The following TGFBR3L variants were observed in gnomAD, a reference collection of about 807,000 sequenced individuals.
The protein encoded by TGFBR3L is transforming growth factor-beta receptor type 3-like protein.
Under a neutral mutation model 20.4 loss-of-function variants are expected in TGFBR3L, and 21 were observed. The observed-to-expected ratio is 1.03, with a 90% CI of 0.73 to 1.48. The LOEUF (loss-of-function observed/expected upper bound fraction) is 1.48, where lower values mean the gene tolerates loss of function less well. TGFBR3L is among the 40% of genes most tolerant of loss of function. TGFBR3L has a pLI of 0.00. For synonymous variants in TGFBR3L, 245 were observed against 244.2 expected (o/e 1.00, Z -0.03); for missense variants, 479 against 498.0 (o/e 0.96, Z 0.36).
rs1413942129 is a variant in TGFBR3L at position 7,918,101 on chromosome 19, C to T, written c.928C>T (p.Pro310Ser). 1.3e-6 allele frequency: 2 copies of T among 1,535,024 alleles called. No homozygotes were observed. Among genetic ancestry groups the T allele is most frequent in the African/African-American group, 2.7e-5 (2 of 73,060 alleles). The change falls in exon 5 of 6, where the codon CCC becomes TCC. Residue 310 changes from proline to serine, a missense_variant. Pro to Ser is a moderately conservative substitution (Grantham distance 74). Coordinates refer to ENST00000565886, the MANE Select transcript of TGFBR3L (RefSeq NM_001195259.2). ...GCCCGCGAGAGCCTCGCCCAGCGGT[C>T]CCCAGCCCAGGAGGTCCCAGTGAGG...
In TGFBR3L at chr19:7,918,058, G is replaced by A. The variant is rs769942869; in HGVS notation, c.885G>A (p.Ala295=). The change falls in exon 5 of 6, where the codon GCG becomes GCA. Residue 295 remains alanine, a splice_region_variant and synonymous_variant. Coordinates refer to ENST00000565886, the MANE Select transcript of TGFBR3L (RefSeq NM_001195259.2). ...CTGCAGCTCGCCTCTCCCTTCCAGC[G>A]CCCCACGCCCCTGGCCCGCCCGCGA... is the stretch of plus-strand genomic sequence containing the variant. 6.5e-7 allele frequency: 1 copy of A among 1,533,938 alleles called. No individual in the cohort carries two copies. The highest frequency in any genetic ancestry group is 1.2e-5 in the South Asian group (1 of 83,982).
In TGFBR3L at chr19:7,917,598, C is replaced by T; in HGVS notation, c.723C>T (p.Pro241=). 1 of 1,476,004 alleles carries T rather than the reference C, an allele frequency of 6.8e-7. No individual in the cohort carries two copies. Among genetic ancestry groups the T allele is most frequent in the East Asian group, 2.7e-5 (1 of 37,688 alleles). The allele number at this position is 1,476,004 out of a possible 1,614,324, so 91.4% of individuals were successfully genotyped here. A position where few individuals can be genotyped will look rare whatever the true frequency, so the allele number is the denominator to read the frequency against. Residue 241 remains proline (P), a splice_region_variant and synonymous_variant, in exon 3 of 6, where the codon CCC becomes CCT. Transcript: ENST00000565886. ...TGGTCACCGTGCCGCGGCCGCCCCC[C>T]AGTGAGCACGCAGTCCTCCTCCGCA...
At chr19:7,917,920 C>A in intron 4 of TGFBR3L, 61 bp downstream of exon 5, 11 of 1,381,184 alleles carry the variant, frequency 8.0e-6, no homozygotes, top group Non-Finnish European at 1.0e-5. Flanking sequence ...GGACCCGGGG[C>A]GGCCGCGATC....
rs547524116 is a variant in TGFBR3L at position 7,917,707 on chromosome 19, C to G, written c.731C>G (p.Pro244Arg). ...AGCGTGGCACTTCCCACAGGGCCGC[C>G]CAAGAGTGTCCCCGGCCGTGCAGTG... is the stretch of plus-strand genomic sequence containing the variant. The change falls in exon 4 of 6, where the codon CCC (proline) becomes CGC (arginine). Residue 244 changes from proline to arginine, a missense_variant. Physicochemically the swap from Pro to Arg is moderately radical, Grantham distance 103. Transcript: ENST00000565886. 5 of 1,425,314 alleles carry G rather than the reference C, an allele frequency of 3.5e-6. No individual in the cohort carries two copies. The South Asian group carries it at 7.3e-5, about 21-fold the overall frequency. 88.3% of individuals were successfully genotyped at this position (1,425,314 alleles called of 1,614,324 possible).
At chr19:7,917,103 G>A (rs868407924) in intron 2 of TGFBR3L, 161 bp downstream of exon 3, 2 of 1,088,530 alleles carry the variant, frequency 1.8e-6, no homozygotes, top group South Asian at 3.3e-5. Flanking sequence ...GTTTCTCCGG[G>A]GACAGTGTGG....
At chr19:7,917,988 C>T in intron 4 of TGFBR3L, 69 bp from the exon 6 acceptor site, 2 of 1,490,838 alleles carry the variant, frequency 1.3e-6, no homozygotes, top group South Asian at 1.3e-5. Context: ...CCCGCAGCAG[C>T]CCCCAGGGGC....
rs1721020480 is a variant in TGFBR3L at position 7,918,074 on chromosome 19, C to CCGCCCGCGAGAGCCT, written c.907_921dup (p.Ala303_Pro307dup). 1.3e-6 allele frequency: 2 copies of CCGCCCGCGAGAGCCT among 1,535,616 alleles called. No homozygotes were observed. Among genetic ancestry groups the CCGCCCGCGAGAGCCT allele is most frequent in the Admixed American group, 3.9e-5 (2 of 50,982 alleles). On this transcript the variant is annotated inframe_insertion, in exon 5 of 6. Transcript: ENST00000565886. Reference sequence around the variant, plus strand: ...CCTTCCAGCGCCCCACGCCCCTGGCCCGCCCGCGAGAGCCTCGCCCAGCGG... The same window carrying CCGCCCGCGAGAGCCT: ...CCTTCCAGCGCCCCACGCCCCTGGCCCGCCCGCGAGAGCCTCGCCCGCGAGAGCCTCGCCCAGCGG...
rs1189182946 is a variant in TGFBR3L at position 7,918,086 on chromosome 19, G to C, written c.913G>C (p.Ala305Pro). ...CCACGCCCCTGGCCCGCCCGCGAGA[G>C]CCTCGCCCAGCGGTCCCCAGCCCAG... is the stretch of plus-strand genomic sequence containing the variant. The change falls in exon 5 of 6, where the codon GCC (alanine) becomes CCC (proline). Residue 305 changes from alanine to proline, a missense_variant. Coordinates refer to ENST00000565886, the MANE Select transcript of TGFBR3L (RefSeq NM_001195259.2). 3 of 1,535,838 alleles carry C rather than the reference G, an allele frequency of 2.0e-6. No homozygotes were observed. Among genetic ancestry groups the C allele is most frequent in the South Asian group, 2.4e-5 (2 of 84,062 alleles).
In TGFBR3L at chr19:7,916,364, G is replaced by T. The variant is rs898544604; in HGVS notation, c.97G>T (p.Ala33Ser). The T allele has an allele frequency of 3.3e-6, 5 of 1,535,640 alleles. No homozygotes were observed. The highest frequency in any genetic ancestry group is 3.5e-6 in the Non-Finnish European group (4 of 1,146,774). ...TTTTCCCGGAGGCCTAAAGGGCAGC[G>T]CGCGTTTTCTCTCCTTTGGGCCGCC... The change falls in exon 1 of 6, where the codon GCG becomes TCG. Residue 33 changes from alanine (A) to serine (S), a missense_variant. Coordinates refer to ENST00000565886, the MANE Select transcript of TGFBR3L (RefSeq NM_001195259.2).
chr19:7,917,157 G>A, intron 2 of TGFBR3L: 2 of 900,608 alleles, frequency 2.2e-6, no homozygotes, highest in East Asian at 3.3e-5. Context: ...CTTCAGGGCT[G>A]GGGGTTGGAT....
Position 7,917,789 on chromosome 19 carries a change from GCT to G in TGFBR3L, c.814_815del (p.Leu272GlyfsTer80). 6.9e-7 allele frequency: 1 copy of G among 1,439,618 alleles called. No individual in the cohort carries two copies. The highest frequency in any genetic ancestry group is 9.1e-7 in the Non-Finnish European group (1 of 1,104,192). 89.2% of individuals were successfully genotyped at this position (1,439,618 alleles called of 1,614,324 possible). On this transcript the variant is annotated frameshift_variant, in exon 4 of 6. Coordinates refer to ENST00000565886, the MANE Select transcript of TGFBR3L (RefSeq NM_001195259.2). LOFTEE classifies it high-confidence loss of function. ...CCCTGGAACCCGCGCCGGTGGTGGCGCTGGTGTTGGCAGCCTTCGTGCTGGGC... is the reference window on the plus strand; with the variant it reads ...CCCTGGAACCCGCGCCGGTGGTGGCGGGTGTTGGCAGCCTTCGTGCTGGGC...
At chr19:7,918,219 T>TTTTGTTTGTTTG (rs374138798) in intron 5 of TGFBR3L, 90 bp downstream of exon 6, 3 of 1,248,988 alleles carry the variant, frequency 2.4e-6, no homozygotes, top group African/African-American at 1.5e-5. Flanking sequence ...ACTGTGGTTT[T>TTTTGTTTGTTTG]TTTGTTTGTT....
In TGFBR3L at chr19:7,917,376, G is replaced by C. The variant is rs1983358046; in HGVS notation, c.598-97G>C. ...GGGGTCCCATCTTGGCTGTGGTGGAGAGCTGGACTCAGGTCTCTCTTGGGG... is the reference window on the plus strand; with the variant it reads ...GGGGTCCCATCTTGGCTGTGGTGGACAGCTGGACTCAGGTCTCTCTTGGGG... On this transcript the variant is annotated intron_variant, in intron 2 of 5. Coordinates refer to ENST00000565886, the MANE Select transcript of TGFBR3L (RefSeq NM_001195259.2). 72 of 1,424,266 alleles carry C rather than the reference G, an allele frequency of 5.1e-5. No individual in the cohort carries two copies. In the South Asian group the frequency reaches 9.2e-4, roughly 18 times the overall value. The allele number at this position is 1,424,266 out of a possible 1,614,324, so 88.2% of individuals were successfully genotyped here.
rs879417425 is a variant in TGFBR3L at position 7,916,530 on chromosome 19, G to T, written c.263G>T (p.Arg88Leu). 6.1e-5 allele frequency: 92 copies of T among 1,501,032 alleles called. No individual in the cohort carries two copies. The highest frequency in any genetic ancestry group is 7.7e-5 in the Non-Finnish European group (87 of 1,127,484). The allele number at this position is 1,501,032 out of a possible 1,614,324, so 93.0% of individuals were successfully genotyped here. The change falls in exon 1 of 6, where the codon CGC (arginine) becomes CTC (leucine). Residue 88 changes from arginine to leucine, a missense_variant. Transcript: ENST00000565886. ...CCGCTCGAGGTCCCGGCCGACAGCC[G>T]CGTGTTCGTGCAGGTGGGGACCCCG... is the stretch of plus-strand genomic sequence containing the variant.
In TGFBR3L at chr19:7,917,747, C is replaced by A; in HGVS notation, c.771C>A (p.Pro257=). The change falls in exon 4 of 6, where the codon CCC becomes CCA. Residue 257 remains proline, a synonymous_variant. Coordinates refer to ENST00000565886, the MANE Select transcript of TGFBR3L (RefSeq NM_001195259.2). ...GCCGTGCAGTGCGCCCTGAGCCTCC[C>A]GCGCCGGCCCCCGCGGCCCTGGAAC... 2 of 1,434,012 alleles carry A rather than the reference C, an allele frequency of 1.4e-6. No individual in the cohort carries two copies. Among genetic ancestry groups the A allele is most frequent in the East Asian group, 3.0e-5 (1 of 33,656 alleles). 88.8% of individuals were successfully genotyped at this position (1,434,012 alleles called of 1,614,324 possible). A position where few individuals can be genotyped will look rare whatever the true frequency, so the allele number is the denominator to read the frequency against.
In TGFBR3L at chr19:7,916,392, T is replaced by TC. The variant is rs1983292636; in HGVS notation, c.129dup (p.Ala44ArgfsTer85). ...CGTTTTCTCTCCTTTGGGCCGCCCT[T>TC]CCCCGCCCCGCCAGCTCCCCCGTTC... On this transcript the variant is annotated frameshift_variant, in exon 1 of 6. Transcript: ENST00000565886. LOFTEE classifies it high-confidence loss of function. 1 of 1,534,892 alleles carries TC rather than the reference T, an allele frequency of 6.5e-7. No homozygotes were observed. The highest frequency in any genetic ancestry group is 8.7e-7 in the Non-Finnish European group (1 of 1,146,492).
In TGFBR3L at chr19:7,916,211, C is replaced by T; in HGVS notation, c.-57C>T. The stretch of plus-strand genomic sequence containing the variant: ...GCTCAGTTGCTGGGCTGTGCGAGTC[C>T]CAGGGGTCGCCAGGGGGCACATCAC... On this transcript the variant is annotated 5_prime_UTR_variant, in exon 1 of 6. Transcript: ENST00000565886. 6.6e-7 allele frequency: 1 copy of T among 1,505,012 alleles called. No homozygotes were observed. The allele number at this position is 1,505,012 out of a possible 1,614,324, so 93.2% of individuals were successfully genotyped here.
chr19:7,916,207 AG>A lies in TGFBR3L; in HGVS notation c.-60del. 1 of 1,501,360 alleles carries A rather than the reference AG, an allele frequency of 6.7e-7. No individual in the cohort carries two copies. Among genetic ancestry groups the A allele is most frequent in the Non-Finnish European group, 8.9e-7 (1 of 1,128,406 alleles). The allele number at this position is 1,501,360 out of a possible 1,614,324, so 93.0% of individuals were successfully genotyped here. On this transcript the variant is annotated 5_prime_UTR_variant, in exon 1 of 6. Transcript: ENST00000565886. ...ACCGGCTCAGTTGCTGGGCTGTGCG[AG>A]TCCCAGGGGTCGCCAGGGGGCACAT...
At position 7,916,365 on chromosome 19, in the gene TGFBR3L, C is replaced by T. The variant is rs1327574928; in HGVS notation, c.98C>T (p.Ala33Val). 1 of 1,535,528 alleles carries T rather than the reference C, an allele frequency of 6.5e-7. No homozygotes were observed. The highest frequency in any genetic ancestry group is 8.7e-7 in the Non-Finnish European group (1 of 1,146,790). The change falls in exon 1 of 6, where the codon GCG becomes GTG. Residue 33 changes from alanine to valine, a missense_variant. Transcript: ENST00000565886. The stretch of plus-strand genomic sequence containing the variant: ...TTTCCCGGAGGCCTAAAGGGCAGCG[C>T]GCGTTTTCTCTCCTTTGGGCCGCCC...
Sources: allele counts gnomAD v4.1 joint callset, GRCh38; gene constraint gnomAD v4.1.1; transcripts MANE v1.5; gene names NCBI Gene and HGNC (gene_info 2026-07-23, HGNC 2026-07-21).